GNA12: variants seen among roughly 807,000 people sequenced by gnomAD.
The protein encoded by GNA12 is G protein subunit alpha 12, also known as guanine nucleotide-binding protein subunit alpha-12.
GNA12 carries 9 observed loss-of-function variants against 26.0 expected under a neutral mutation model. The ratio of observed to expected loss-of-function variants is 0.35; its 90% CI spans 0.21 to 0.60. The LOEUF (loss-of-function observed/expected upper bound fraction) is 0.60, where lower values mean the gene tolerates loss of function less well. Among genes scored for constraint, GNA12 ranks in the 20% least tolerant of loss-of-function variants. GNA12 has a pLI of 0.78. For missense variants in GNA12, 405 were observed against 525.8 expected (o/e 0.77, Z 2.25); for synonymous variants, 264 against 219.6 (o/e 1.20, Z -1.79).
chr7:2,838,141 T>TA (rs113827579), intron 1 of GNA12, among the ~76,000 whole-genome samples: 1,606 of 147,776 alleles, frequency 0.011, 23 homozygotes, highest in African/African-American at 0.035. Flanking sequence ...GCATTATACT[T>TA]AAAAAAAAAA....
At chr7:2,807,191 C>G (rs1358559354) in intron 1 of GNA12, among the ~76,000 whole-genome samples, 1 of 152,132 alleles carries the variant, frequency 6.6e-6, no homozygotes, top group South Asian at 2.1e-4. Context: ...TGTATGTATA[C>G]TGACAACTGA....
chr7:2,747,031 C>T (rs1259694247), intron 2 of GNA12, among the ~76,000 whole-genome samples: 1 of 152,168 alleles, frequency 6.6e-6, no homozygotes, highest in Non-Finnish European at 1.5e-5. Flanking sequence ...TAATCAATAG[C>T]TTACCAACCA....
intron 1 of GNA12, among the ~76,000 whole-genome samples, chr7:2,822,424 A>T (rs756633148): frequency 5.3e-5 from 8 of 152,234 alleles, no homozygotes; most frequent in Non-Finnish European, 1.2e-4. Flanking sequence ...GACATATCTT[A>T]TGGAAGTCCC....
chr7:2,840,844 ACT>A (rs571532389), intron 1 of GNA12, among the ~76,000 whole-genome samples: 35 of 152,110 alleles, frequency 2.3e-4, no homozygotes, highest in Middle Eastern at 3.4e-3. Context: ...ACAGAATGAG[ACT>A]CTGTCTCAAA....
chr7:2,741,764 G>C (rs563289947), intron 2 of GNA12, among the ~76,000 whole-genome samples: 2 of 151,786 alleles, frequency 1.3e-5, no homozygotes, highest in Admixed American at 6.6e-5. Flanking sequence ...CAGAGGGTAT[G>C]TCCTAAGAAT....
chr7:2,736,739 C>T (rs76531090), intron 2 of GNA12, among the ~76,000 whole-genome samples: 1 of 152,250 alleles, frequency 6.6e-6, no homozygotes, highest in Non-Finnish European at 1.5e-5. Flanking sequence ...GAGAAAGACA[C>T]ACGCTCGGCT....
In GNA12 at chr7:2,827,966, T is replaced by G. The variant is rs550265685; in HGVS notation, c.309+15887A>C. Among the ~76,000 whole-genome samples the G allele has an allele frequency of 5.3e-5, 8 of 152,318 alleles. No individual in the cohort carries two copies. In the South Asian group the frequency reaches 1.5e-3, roughly 28 times the overall value. On this transcript the variant is annotated intron_variant, in intron 1 of 3. Transcript: ENST00000275364. ...AAGACTAGAAAAAGGGCGTCTTACT[T>G]TACCAGAAGAGTTCTAATTTGCTCC...
At chr7:2,825,185 T>G (rs1583311236) in intron 1 of GNA12, among the ~76,000 whole-genome samples, 2 of 152,184 alleles carry the variant, frequency 1.3e-5, no homozygotes, top group East Asian at 3.9e-4. Flanking sequence ...CACAAAGGTG[T>G]GGGGGAAGCC....
At chr7:2,806,142 G>A (rs924488942) in intron 1 of GNA12, among the ~76,000 whole-genome samples, 2 of 152,108 alleles carry the variant, frequency 1.3e-5, no homozygotes, top group Non-Finnish European at 2.9e-5. Flanking sequence ...GCTCACATTC[G>A]ATTTGCTATT....
chr7:2,744,229 G>C lies in GNA12; in HGVS notation c.526-10728C>G, dbSNP rs181188446. Among the ~76,000 whole-genome samples the C allele has an allele frequency of 4.9e-3, 743 of 152,354 alleles. 8 individuals are homozygous for C. Among genetic ancestry groups the C allele is most frequent in the Non-Finnish European group, 7.3e-3 (494 of 68,036 alleles). On this transcript the variant is annotated intron_variant, in intron 2 of 3. Coordinates refer to ENST00000275364, the MANE Select transcript of GNA12 (RefSeq NM_007353.3). ...GAACGGGCAGACTGCCTCCTCAAGT[G>C]GGTCCCTGACCCTGAGTAGCCTAAC...
At chr7:2,842,001 T>TAGGGAGGGAGGGAGGGAGGAAGGAAGAA (rs1554264300) in intron 1 of GNA12, among the ~76,000 whole-genome samples, 1 of 95,794 alleles carries the variant, frequency 1.0e-5, no homozygotes, top group African/African-American at 3.4e-5. Context: ...GGTAGAGAGG[T>TAGGGAGGGAGGGAGGGAGGAAGGAAGAA]AGGGAGGGAG....
At chr7:2,779,869 A>AT (rs1481224341) in intron 2 of GNA12, among the ~76,000 whole-genome samples, 1 of 151,972 alleles carries the variant, frequency 6.6e-6, no homozygotes, top group Non-Finnish European at 1.5e-5. Context: ...AAGTGGTGGG[A>AT]TTACAGGAGT....
At chr7:2,758,347 C>T (rs139339968) in intron 2 of GNA12, among the ~76,000 whole-genome samples, 54 of 152,290 alleles carry the variant, frequency 3.5e-4, no homozygotes, top group African/African-American at 1.1e-3. Context: ...CCTCATACGT[C>T]GTGTGGCCTC....
chr7:2,746,321 G>A (rs1001533692), intron 2 of GNA12, among the ~76,000 whole-genome samples: 3 of 152,104 alleles, frequency 2.0e-5, no homozygotes, highest in Non-Finnish European at 2.9e-5. Flanking sequence ...ATAACAAACT[G>A]TCTCTCAGAC....
intron 2 of GNA12, among the ~76,000 whole-genome samples, chr7:2,738,979 C>T (rs930945241): frequency 6.6e-6 from 1 of 152,122 alleles, no homozygotes. Context: ...ACACAGCCAC[C>T]CCTTGGTCAC....
chr7:2,789,164 C>T (rs1241115306), intron 2 of GNA12, among the ~76,000 whole-genome samples: 1 of 58,274 alleles, frequency 1.7e-5, no homozygotes, highest in African/African-American at 6.0e-5. Flanking sequence ...GAGACGGAGT[C>T]TCGCTCTGTC....
intron 2 of GNA12, among the ~76,000 whole-genome samples, chr7:2,757,397 G>T (rs891628671): frequency 2.6e-5 from 4 of 152,112 alleles, no homozygotes; most frequent in African/African-American, 4.8e-5. Context: ...GCACACAGCC[G>T]TGTTATGAGG....
In GNA12 at chr7:2,844,091, C is replaced by T; in HGVS notation, c.71G>A (p.Arg24Lys). 9.8e-7 allele frequency: 1 copy of T among 1,018,468 alleles called. No homozygotes were observed. The highest frequency in any genetic ancestry group is 1.2e-6 in the Non-Finnish European group (1 of 854,076). The allele number at this position is 1,018,468 out of a possible 1,614,324, so 63.1% of individuals were successfully genotyped here. A position where few individuals can be genotyped will look rare whatever the true frequency, so the allele number is the denominator to read the frequency against. ...CGCGTCGCGCGCGCCGCTGCCCGCC[C>T]TGCGCTCGCGGGCCCCGCCGGCCTC... Reference protein sequence around the residue: ...PAEAGGARERRAGSGARDAER... With the variant: ...PAEAGGARERKAGSGARDAER... The change falls in exon 1 of 4, where the codon AGG becomes AAG. Residue 24 changes from arginine to lysine, a missense_variant. Physicochemically the swap from Arg to Lys is conservative, Grantham distance 26 (BLOSUM62 2). Coordinates refer to ENST00000275364, the MANE Select transcript of GNA12 (RefSeq NM_007353.3).
chr7:2,831,009 T>C (rs1381518967), intron 1 of GNA12, among the ~76,000 whole-genome samples: 2 of 152,048 alleles, frequency 1.3e-5, no homozygotes, highest in African/African-American at 4.8e-5. Context: ...CAAGGTATCA[T>C]TCCTTCCAGG....
Sources: gnomAD v4.1 joint callset for allele counts (sites outside exome capture counted in the v4.1 genomes callset) on GRCh38, gnomAD v4.1.1 for gene constraint, MANE v1.5 for transcripts, NCBI Gene and HGNC (gene_info 2026-07-23, HGNC 2026-07-21) for gene names.